Variants in RNF125 observed in about 807,000 individuals in gnomAD.
RNF125 encodes the protein ring finger protein 125.
A neutral mutation model predicts 26.0 loss-of-function variants in RNF125; 21 were observed. The observed-to-expected ratio is 0.81, with a 90% CI of 0.57 to 1.16. The LOEUF is 1.16. Ranked by LOEUF, RNF125 falls within the 50% of genes most tolerant of loss-of-function variation. The probability of loss-of-function intolerance (pLI) is 0.00; values close to 1 mark genes in which losing one functional copy is unlikely to be tolerated. For missense variants in RNF125, 270 were observed against 299.4 expected (o/e 0.90, Z 0.72); for synonymous variants, 95 against 109.2 (o/e 0.87, Z 0.81).
intron 4 of RNF125, among the ~76,000 whole-genome samples, chr18:32,065,213 G>GT (rs1370911140): frequency 1.3e-5 from 2 of 151,982 alleles, no homozygotes; most frequent in Non-Finnish European, 2.9e-5. Flanking sequence ...ACCTGTTGTT[G>GT]TTTTTTGTTG....
chr18:32,085,381 G>C, the RNF125 span, among the ~76,000 whole-genome samples: 454 of 113,594 alleles, frequency 4.0e-3, 3 homozygotes, highest in African/African-American at 0.018. Context: ...AGCAGAGAGA[G>C]AGAGAGAGAG....
At chr18:32,030,770 C>T (rs978508767) in intron 1 of RNF125, among the ~76,000 whole-genome samples, 6 of 152,182 alleles carry the variant, frequency 3.9e-5, no homozygotes, top group Non-Finnish European at 5.9e-5. Flanking sequence ...AGTCCAAGAG[C>T]GTGGTGCTGG....
At chr18:32,064,396 CTTTT>C (rs775086863) in intron 4 of RNF125, among the ~76,000 whole-genome samples, 10 of 86,850 alleles carry the variant, frequency 1.2e-4, no homozygotes, top group South Asian at 4.7e-4. Flanking sequence ...TTTTCTTTTT[CTTTT>C]TTTTTTTTTT....
intron 4 of RNF125, among the ~76,000 whole-genome samples, chr18:32,054,403 A>G (rs1042449625): frequency 6.6e-6 from 1 of 152,178 alleles, no homozygotes; most frequent in African/African-American, 2.4e-5. Flanking sequence ...TGTACATTTT[A>G]TGTATTCTCA....
chr18:32,040,406 G>A (rs760251779), intron 2 of RNF125, among the ~76,000 whole-genome samples: 1 of 151,592 alleles, frequency 6.6e-6, no homozygotes, highest in Non-Finnish European at 1.5e-5. Context: ...CAAGTAGCTG[G>A]GACTATAGGT....
At chr18:32,061,666 C>T (rs1190518422) in intron 4 of RNF125, among the ~76,000 whole-genome samples, 1 of 152,194 alleles carries the variant, frequency 6.6e-6, no homozygotes, top group Admixed American at 6.5e-5. Context: ...TTCTTCAAGA[C>T]CCACTTCAGT....
chr18:32,024,220 T>A (rs2039012413), intron 1 of RNF125, among the ~76,000 whole-genome samples: 2 of 120,162 alleles, frequency 1.7e-5, no homozygotes, highest in Non-Finnish European at 3.4e-5. Context: ...TTTTTTTTTT[T>A]AAGATGGAGT....
intron 4 of RNF125, among the ~76,000 whole-genome samples, chr18:32,051,847 AC>A (rs1362519423): frequency 4.0e-5 from 6 of 151,314 alleles, no homozygotes; most frequent in African/African-American, 1.5e-4. Flanking sequence ...GCACCACTGC[AC>A]CCAGCTAATT....
At chr18:32,028,297 TAAAAAAAAAAAA>T (rs1156859954) in intron 1 of RNF125, among the ~76,000 whole-genome samples, 5 of 72,396 alleles carry the variant, frequency 6.9e-5, no homozygotes, top group African/African-American at 2.3e-4. Context: ...GACTCCGTCT[TAAAAAAAAAAAA>T]AAAAAAAAAA....
At chr18:32,063,221 C>T (rs1378375566) in intron 4 of RNF125, among the ~76,000 whole-genome samples, 4 of 122,930 alleles carry the variant, frequency 3.3e-5, no homozygotes, top group Non-Finnish European at 6.7e-5. Flanking sequence ...ACTCAAAACT[C>T]CATTTCAAAA....
intron 1 of RNF125, among the ~76,000 whole-genome samples, chr18:32,024,944 A>G (rs1187640119): frequency 1.3e-5 from 2 of 152,060 alleles, no homozygotes; most frequent in Non-Finnish European, 2.9e-5. Flanking sequence ...TTAGCCGGGC[A>G]TGGTGGCGCA....
the RNF125 span, among the ~76,000 whole-genome samples, chr18:32,084,421 T>A: frequency 6.6e-6 from 1 of 152,160 alleles, no homozygotes; most frequent in African/African-American, 2.4e-5. Flanking sequence ...TGTGAGTTGA[T>A]TTGTTGAAAT....
intron 1 of RNF125, among the ~76,000 whole-genome samples, chr18:32,019,684 T>C (rs1173709564): frequency 6.6e-6 from 1 of 151,548 alleles, no homozygotes; most frequent in Admixed American, 6.6e-5. Flanking sequence ...GTTGTTAGAG[T>C]TTAACAACCT....
chr18:32,027,863 G>T (rs1345346385), intron 1 of RNF125, among the ~76,000 whole-genome samples: 1 of 152,026 alleles, frequency 6.6e-6, no homozygotes, highest in Non-Finnish European at 1.5e-5. Context: ...CCAGATGCTT[G>T]ATGCTTTTAT....
At chr18:32,080,867 C>G in the RNF125 span, among the ~76,000 whole-genome samples, 11 of 152,110 alleles carry the variant, frequency 7.2e-5, no homozygotes, top group African/African-American at 2.7e-4. Flanking sequence ...CTGTGCGAGA[C>G]TGCGTCTCAA....
At chr18:32,039,967 C>A (rs1322666355) in intron 2 of RNF125, among the ~76,000 whole-genome samples, 1 of 151,648 alleles carries the variant, frequency 6.6e-6, no homozygotes, top group South Asian at 2.1e-4. Flanking sequence ...TTAGTAGAGA[C>A]GTGGTTTCAC....
chr18:32,064,312 G>T (rs1464824290), intron 4 of RNF125, among the ~76,000 whole-genome samples: 1 of 151,500 alleles, frequency 6.6e-6, no homozygotes, highest in Non-Finnish European at 1.5e-5. Flanking sequence ...GATTTGGGCG[G>T]GGACAAATTT....
intron 4 of RNF125, among the ~76,000 whole-genome samples, chr18:32,065,449 G>A (rs538838518): frequency 1.3e-5 from 2 of 151,756 alleles, no homozygotes; most frequent in Non-Finnish European, 2.9e-5. Flanking sequence ...TCTTGGCCTG[G>A]CTGGTCTTGA....
intron 4 of RNF125, among the ~76,000 whole-genome samples, chr18:32,061,713 G>C (rs2039436596): frequency 6.6e-6 from 1 of 152,112 alleles, no homozygotes; most frequent in Non-Finnish European, 1.5e-5. Context: ...CGAACCCTTG[G>C]GCAAAATTAG....
Sources: gnomAD v4.1 joint callset for allele counts (sites outside exome capture counted in the v4.1 genomes callset) on GRCh38, gnomAD v4.1.1 for gene constraint, MANE v1.5 for transcripts, NCBI Gene and HGNC (gene_info 2026-07-23, HGNC 2026-07-21) for gene names.